Variants in ITGA8 observed in about 807,000 individuals in gnomAD.
ITGA8 encodes the protein integrin alpha-8.
In ITGA8, 91 loss-of-function variants were observed where a neutral mutation model predicts 142.3. The observed-to-expected ratio is 0.64, with a 90% CI of 0.54 to 0.76. The LOEUF (loss-of-function observed/expected upper bound fraction) is 0.76. Ranked by LOEUF, ITGA8 falls within the 30% of genes least tolerant of loss-of-function variation. The pLI, the probability that ITGA8 is intolerant of heterozygous loss-of-function variation, is 0.00. For missense variants in ITGA8, 1,406 were observed against 1,327.7 expected, an observed-to-expected ratio of 1.06 and a Z score of -0.92; for synonymous variants, 505 against 485.2, an observed-to-expected ratio of 1.04 and a Z score of -0.54.
At chr10:15,622,405 G>C (rs2131624930) in intron 13 of ITGA8, among the ~76,000 whole-genome samples, 1 of 151,976 alleles carries the variant, frequency 6.6e-6, no homozygotes, top group Admixed American at 6.6e-5. Flanking sequence ...AATAATTCCA[G>C]ACAATGAGAA....
rs762542552 is a variant in ITGA8, at chr10:15,672,641, T to C, written c.785A>G (p.Tyr262Cys). ...GGTCTTACCAAGGTAACTGTCATCATAGGAAGCTGGAGCCACTTCCGTCTG... is the reference window on the plus strand; with the variant it reads ...GGTCTTACCAAGGTAACTGTCATCACAGGAAGCTGGAGCCACTTCCGTCTG... Reference protein sequence around the residue: ...EKQTEVAPASYDDSYLGYSVA... With the variant: ...EKQTEVAPASCDDSYLGYSVA... The change falls in exon 7 of 30, where the codon TAT becomes TGT. Residue 262 changes from tyrosine (Y) to cysteine (C), a missense_variant. By Grantham distance (194) the Tyr-to-Cys change is radical (BLOSUM62 -2). Transcript: ENST00000378076. 6.2e-7 allele frequency: 1 copy of C among 1,613,602 alleles called. No individual in the cohort carries two copies. Among genetic ancestry groups the C allele is most frequent in the Non-Finnish European group, 8.5e-7 (1 of 1,179,736 alleles).
intron 28 of ITGA8, among the ~76,000 whole-genome samples, chr10:15,522,786 T>A (rs1588622722): frequency 2.6e-5 from 4 of 152,060 alleles, no homozygotes; most frequent in Admixed American, 2.6e-4. Flanking sequence ...CCAAGGCAGG[T>A]GGATCACCTG....
chr10:15,636,470 A>G (rs184780555), intron 13 of ITGA8, among the ~76,000 whole-genome samples: 27 of 152,336 alleles, frequency 1.8e-4, no homozygotes, highest in Non-Finnish European at 2.9e-4. Context: ...CTAAAAACGT[A>G]TTGGGTGGTT....
chr10:15,676,156 C>G (rs1273072116), intron 6 of ITGA8, among the ~76,000 whole-genome samples: 1 of 152,164 alleles, frequency 6.6e-6, no homozygotes, highest in Non-Finnish European at 1.5e-5. Flanking sequence ...CTCACCTACG[C>G]TGCCCTCCTG....
rs1832934901 is a variant in ITGA8, at chr10:15,514,864, C to T, written c.*2294G>A. On this transcript the variant is annotated 3_prime_UTR_variant, in exon 30 of 30. Transcript: ENST00000378076. ...GCTGAGACTCTGGGATGGTGCAGTTCACTTTGGAGCCCTCATGCCTTGCTT... is the reference window on the plus strand; with the variant it reads ...GCTGAGACTCTGGGATGGTGCAGTTTACTTTGGAGCCCTCATGCCTTGCTT... The T allele has an allele frequency of 6.6e-6, 1 of 152,334 alleles. No homozygotes were observed. Among genetic ancestry groups the T allele is most frequent in the African/African-American group, 2.4e-5 (1 of 41,466 alleles). The allele number at this position is 152,334 out of a possible 1,614,324, so 9.4% of individuals were successfully genotyped here. A position where few individuals can be genotyped will look rare whatever the true frequency, so the allele number is the denominator to read the frequency against.
At chr10:15,683,293 CCACCCAT>C (rs1261976363) in intron 4 of ITGA8, among the ~76,000 whole-genome samples, 3 of 54,268 alleles carry the variant, frequency 5.5e-5, no homozygotes, top group South Asian at 1.1e-3. Context: ...ATCCATCCAT[CCACCCAT>C]CCACCCACCC....
At chr10:15,660,799 G>A in intron 9 of ITGA8, 80 bp downstream of exon 9, 1 of 1,129,330 alleles carries the variant, frequency 8.9e-7, no homozygotes, top group Non-Finnish European at 1.3e-6. Context: ...ATTTATGATG[G>A]GTTTATTCAG....
Position 15,672,705 on chromosome 10 carries a change from A to C in ITGA8, c.721T>G (p.Ser241Ala). ...ASVADIIANY[S>A]FKDILRKLAG... ...AGTTTCCTGAGGATATCCTTGAATG[A>C]GTAATTTGCAATGATATCTGCAACA... The change falls in exon 7 of 30, where the codon TCA (serine) becomes GCA (alanine). Residue 241 changes from serine (S) to alanine (A), a missense_variant. Transcript: ENST00000378076. 6.2e-7 allele frequency: 1 copy of C among 1,613,670 alleles called. No individual in the cohort carries two copies. The highest frequency in any genetic ancestry group is 8.5e-7 in the Non-Finnish European group (1 of 1,179,774).
At chr10:15,634,839 C>T (rs1468285611) in intron 13 of ITGA8, among the ~76,000 whole-genome samples, 1 of 151,896 alleles carries the variant, frequency 6.6e-6, no homozygotes, top group African/African-American at 2.4e-5. Flanking sequence ...TCATTAATAG[C>T]TCATTGTACT....
chr10:15,656,614 C>T (rs1033620566), intron 10 of ITGA8, among the ~76,000 whole-genome samples: 2 of 152,100 alleles, frequency 1.3e-5, no homozygotes, highest in African/African-American at 2.4e-5. Flanking sequence ...TCCACCCACT[C>T]GGCCTCCCAA....
At position 15,517,516 on chromosome 10, in the gene ITGA8, G is replaced by A. The variant is rs576210917; in HGVS notation, c.3106-272C>T. 8.5e-5 allele frequency among the ~76,000 whole-genome samples: 13 copies of A among 152,246 alleles called. No homozygotes were observed. The South Asian group carries it at 2.5e-3, about 29-fold the overall frequency. ...TTTTTGTATTTGTAGGAGAGATGGG[G>A]TTTTGCCATGTTGGCCAGGCTGGTG... On this transcript the variant is annotated intron_variant, in intron 29 of 29. Transcript: ENST00000378076.
At chr10:15,613,251 C>T (rs535830234) in intron 15 of ITGA8, among the ~76,000 whole-genome samples, 1 of 151,912 alleles carries the variant, frequency 6.6e-6, no homozygotes, top group South Asian at 2.1e-4. Flanking sequence ...AAGCATATGC[C>T]AAAATGTAAG....
intron 14 of ITGA8, 25 bp from the exon 15 acceptor site, chr10:15,613,792 G>A: frequency 6.5e-7 from 1 of 1,542,266 alleles, no homozygotes; most frequent in Non-Finnish European, 9.0e-7. Flanking sequence ...TGCAGGGTTT[G>A]TTTAAATAAA....
intron 15 of ITGA8, among the ~76,000 whole-genome samples, chr10:15,610,299 A>T (rs765999217): frequency 1.3e-5 from 2 of 152,208 alleles, no homozygotes; most frequent in African/African-American, 4.8e-5. Flanking sequence ...AGGAAAACAT[A>T]CTATATTATA....
chr10:15,696,856 C>G lies in ITGA8; in HGVS notation c.344-8818G>C, dbSNP rs576142170. 1.5e-4 allele frequency among the ~76,000 whole-genome samples: 18 copies of G among 116,900 alleles called. No homozygotes were observed. In the South Asian group the frequency reaches 5.0e-3, roughly 33 times the overall value. The allele number at this position is 116,900 out of a possible 152,430, so 76.7% of individuals were successfully genotyped here. On this transcript the variant is annotated intron_variant, in intron 2 of 29. Coordinates refer to ENST00000378076, the MANE Select transcript of ITGA8 (RefSeq NM_003638.3). ...TGGACAACATGGCAAAACCCTAACTCTTACCAAAAAAAAAAAAAAAAAAAA... is the reference window on the plus strand; with the variant it reads ...TGGACAACATGGCAAAACCCTAACTGTTACCAAAAAAAAAAAAAAAAAAAA...
At chr10:15,594,859 T>C (rs1004696724) in intron 21 of ITGA8, among the ~76,000 whole-genome samples, 1 of 152,158 alleles carries the variant, frequency 6.6e-6, no homozygotes, top group African/African-American at 2.4e-5. Context: ...AGAAACCTTA[T>C]TGTATTGCGA....
At position 15,674,938 on chromosome 10, in the gene ITGA8, CA is replaced by C. The variant is rs35978679; in HGVS notation, c.677-2190del. Among the ~76,000 whole-genome samples, 1,403 of 148,810 alleles carry C rather than the reference CA, an allele frequency of 9.4e-3. 28 individuals carry two copies. The highest frequency in any genetic ancestry group is 0.033 in the African/African-American group (1,314 of 40,398). ...CTGGGCAACAAAATGAGACTCGTCT[CA>C]AAAAAAAAAAAATCATAAATCTATC... On this transcript the variant is annotated intron_variant, in intron 6 of 29. Coordinates refer to ENST00000378076, the MANE Select transcript of ITGA8 (RefSeq NM_003638.3).
Position 15,514,130 on chromosome 10 carries a change from T to G in ITGA8, c.*3028A>C, listed in dbSNP as rs1832921767. ...TAAAAATCTCCAAGTTTATAAAACTTAATTTGCCCCATTATTGTGTCTTAA... is the reference window on the plus strand; with the variant it reads ...TAAAAATCTCCAAGTTTATAAAACTGAATTTGCCCCATTATTGTGTCTTAA... On this transcript the variant is annotated 3_prime_UTR_variant, in exon 30 of 30. Transcript: ENST00000378076. 1 of 152,202 alleles carries G rather than the reference T, an allele frequency of 6.6e-6. No individual in the cohort carries two copies. Among genetic ancestry groups the G allele is most frequent in the Non-Finnish European group, 1.5e-5 (1 of 68,042 alleles). 9.4% of individuals were successfully genotyped at this position (152,202 alleles called of 1,614,324 possible). A position where few individuals can be genotyped will look rare whatever the true frequency, so the allele number is the denominator to read the frequency against.
chr10:15,564,989 A>C lies in ITGA8; in HGVS notation c.2638-6787T>G, dbSNP rs1002498343. On this transcript the variant is annotated intron_variant, in intron 25 of 29. Transcript: ENST00000378076. ...TCCTGAAAAGTTCATGCAAAGCACA[A>C]CTAAAAGAATCTACTCACTCCACTG... Among the ~76,000 whole-genome samples the C allele has an allele frequency of 3.5e-4, 53 of 152,354 alleles. 1 individual carries two copies. The highest frequency in any genetic ancestry group is 1.0e-3 in the African/African-American group (42 of 41,584).
Sources: gnomAD v4.1 joint callset for allele counts (sites outside exome capture counted in the v4.1 genomes callset) on GRCh38, gnomAD v4.1.1 for gene constraint, MANE v1.5 for transcripts, NCBI Gene and HGNC (gene_info 2026-07-23, HGNC 2026-07-21) for gene names.